Variants in CDH4 observed in about 807,000 individuals in gnomAD.
The protein encoded by CDH4 is cadherin-4.
Under a neutral mutation model 86.0 loss-of-function variants are expected in CDH4, and 33 were observed. That is an observed-to-expected ratio of 0.38 (90% CI 0.29 to 0.51). The LOEUF is 0.51. Ranked by LOEUF, CDH4 falls within the 20% of genes least tolerant of loss-of-function variation. The probability of loss-of-function intolerance (pLI) is 0.86; values close to 1 mark genes in which losing one functional copy is unlikely to be tolerated. For missense variants in CDH4, 1,114 were observed against 1,307.4 expected, an observed-to-expected ratio of 0.85 and a Z score of 2.28; for synonymous variants, 555 against 549.4, an observed-to-expected ratio of 1.01 and a Z score of -0.14.
At chr20:61,422,267 A>C (rs1311822020) in intron 2 of CDH4, among the ~76,000 whole-genome samples, 2 of 149,018 alleles carry the variant, frequency 1.3e-5, no homozygotes, top group East Asian at 4.1e-4. Flanking sequence ...TCTACTAAAA[A>C]TACAAAATTA....
chr20:61,747,967 C>G (rs1036586685), intron 3 of CDH4, among the ~76,000 whole-genome samples: 1 of 151,904 alleles, frequency 6.6e-6, no homozygotes, highest in African/African-American at 2.4e-5. Flanking sequence ...CACCTGGATG[C>G]TTTATAGTAA....
intron 3 of CDH4, among the ~76,000 whole-genome samples, chr20:61,762,431 T>C (rs2088645733): frequency 6.6e-6 from 1 of 152,204 alleles, no homozygotes; most frequent in Non-Finnish European, 1.5e-5. Flanking sequence ...TCTGGAGACA[T>C]TTGCCACCTC....
chr20:61,805,032 C>T (rs1414922581), intron 4 of CDH4, among the ~76,000 whole-genome samples: 2 of 152,246 alleles, frequency 1.3e-5, no homozygotes, highest in East Asian at 1.9e-4. Flanking sequence ...CAGCGCCAGG[C>T]CAAGAGTGCA....
chr20:61,661,837 G>A (rs935017251), intron 2 of CDH4, among the ~76,000 whole-genome samples: 1 of 152,088 alleles, frequency 6.6e-6, no homozygotes, highest in East Asian at 1.9e-4. Flanking sequence ...GGTGCGGAGG[G>A]TGGGTGCGCC....
chr20:61,497,958 C>CA (rs1321999243), intron 2 of CDH4, among the ~76,000 whole-genome samples: 3 of 148,246 alleles, frequency 2.0e-5, no homozygotes, highest in Non-Finnish European at 3.0e-5. Flanking sequence ...ATTGCAAGGA[C>CA]AAAAAACCAA....
At chr20:61,308,610 TGAG>T (rs1335109239) in intron 2 of CDH4, among the ~76,000 whole-genome samples, 1 of 152,208 alleles carries the variant, frequency 6.6e-6, no homozygotes, top group Non-Finnish European at 1.5e-5. Context: ...TGATGGGAAA[TGAG>T]GAGCACCGGG....
intron 3 of CDH4, among the ~76,000 whole-genome samples, chr20:61,770,214 C>T (rs2088758092): frequency 6.6e-6 from 1 of 152,216 alleles, no homozygotes; most frequent in South Asian, 2.1e-4. Flanking sequence ...TTGCACCTCA[C>T]ATGGCTCCTT....
In CDH4 at chr20:61,393,982, A is replaced by G. The variant is rs1442011734; in HGVS notation, c.169+139045A>G. Among the ~76,000 whole-genome samples, 11 of 152,192 alleles carry G rather than the reference A, an allele frequency of 7.2e-5. No individual in the cohort carries two copies. The highest frequency in any genetic ancestry group is 1.5e-4 in the Non-Finnish European group (10 of 68,032). Reference sequence around the variant, plus strand: ...CAATGTAATCTAATAACATTGCTCTATCTGCATAGATCACAGAAGACGTAT... The same window carrying G: ...CAATGTAATCTAATAACATTGCTCTGTCTGCATAGATCACAGAAGACGTAT... On this transcript the variant is annotated intron_variant, in intron 2 of 15. Coordinates refer to ENST00000614565, the MANE Select transcript of CDH4 (RefSeq NM_001794.5). The surrounding 1 kb of genome is among the most constrained non-coding windows in gnomAD (Gnocchi z 4.3).
intron 3 of CDH4, among the ~76,000 whole-genome samples, chr20:61,745,034 C>G (rs1600940474): frequency 6.6e-6 from 1 of 152,298 alleles, no homozygotes; most frequent in East Asian, 1.9e-4. Context: ...AGAATGTGTG[C>G]CAACCCCTCC....
At chr20:61,530,602 G>A (rs749720919) in intron 2 of CDH4, among the ~76,000 whole-genome samples, 13 of 152,144 alleles carry the variant, frequency 8.5e-5, no homozygotes, top group South Asian at 4.1e-4. Flanking sequence ...GGAGGCAGTC[G>A]AAGGAGAGTC....
chr20:61,366,034 A>G (rs914424385), intron 2 of CDH4, among the ~76,000 whole-genome samples: 1 of 152,242 alleles, frequency 6.6e-6, no homozygotes, highest in East Asian at 1.9e-4. Context: ...AGTTTTGGGG[A>G]TGTGATAATG....
intron 2 of CDH4, among the ~76,000 whole-genome samples, chr20:61,381,106 G>A (rs1227231766): frequency 1.3e-5 from 2 of 152,206 alleles, no homozygotes; most frequent in African/African-American, 4.8e-5. Context: ...TTTGGGAGAA[G>A]GAAGAGAGAC....
At chr20:61,317,783 C>G (rs548014645) in intron 2 of CDH4, among the ~76,000 whole-genome samples, 39 of 152,284 alleles carry the variant, frequency 2.6e-4, no homozygotes, top group African/African-American at 9.1e-4. Context: ...AAGGGCACTT[C>G]TGGGAAGCGT....
At chr20:61,704,212 G>C (rs1379089518) in intron 2 of CDH4, among the ~76,000 whole-genome samples, 2 of 152,104 alleles carry the variant, frequency 1.3e-5, no homozygotes, top group Non-Finnish European at 2.9e-5. Flanking sequence ...GGTTCTCTCT[G>C]TGTTGTCTCA....
At chr20:61,304,684 G>A (rs1026341587) in intron 2 of CDH4, among the ~76,000 whole-genome samples, 3 of 152,132 alleles carry the variant, frequency 2.0e-5, no homozygotes, top group Non-Finnish European at 1.5e-5. Flanking sequence ...AACTAGAGAC[G>A]ATGTATTTCT....
At chr20:61,668,598 G>A (rs116273282) in intron 2 of CDH4, among the ~76,000 whole-genome samples, 1 of 152,166 alleles carries the variant, frequency 6.6e-6, no homozygotes, top group Non-Finnish European at 1.5e-5. Flanking sequence ...AACTCCTCCT[G>A]TGTACATTCC....
intron 2 of CDH4, among the ~76,000 whole-genome samples, chr20:61,270,316 G>T (rs2084177195): frequency 6.6e-6 from 1 of 152,210 alleles, no homozygotes; most frequent in Non-Finnish European, 1.5e-5. Flanking sequence ...TAGGCCTTCT[G>T]CAGCCTGCAG....
At chr20:61,286,432 G>A (rs2084293692) in intron 2 of CDH4, among the ~76,000 whole-genome samples, 1 of 152,196 alleles carries the variant, frequency 6.6e-6, no homozygotes, top group African/African-American at 2.4e-5. Flanking sequence ...GCCAGACCCA[G>A]CCACCGCAGC....
At chr20:61,583,662 A>T (rs2086448878) in intron 2 of CDH4, among the ~76,000 whole-genome samples, 1 of 152,196 alleles carries the variant, frequency 6.6e-6, no homozygotes, top group East Asian at 1.9e-4. Context: ...TTCCTCGTTG[A>T]CATCACATTG....
Sources: allele counts gnomAD v4.1 joint callset (sites outside exome capture counted in the v4.1 genomes callset), GRCh38; gene constraint gnomAD v4.1.1; non-coding constraint Gnocchi (gnomAD v3.1); transcripts MANE v1.5; gene names NCBI Gene and HGNC (gene_info 2026-07-23, HGNC 2026-07-21).